RASA1: variants seen among roughly 807,000 people sequenced by gnomAD.
RASA1 encodes the protein ras GTPase-activating protein 1.
In RASA1, 25 loss-of-function variants were observed where a neutral mutation model predicts 132.2. That is an observed-to-expected ratio of 0.19 (90% CI 0.14 to 0.26). The LOEUF (loss-of-function observed/expected upper bound fraction) is 0.26. RASA1 is among the 10% of genes least tolerant of loss of function. The pLI, the probability that RASA1 is intolerant of heterozygous loss-of-function variation, is 1.00. For missense variants in RASA1, 964 were observed against 1,299.2 expected (o/e 0.74, Z 3.97); for synonymous variants, 477 against 449.9 (o/e 1.06, Z -0.76).
intron 1 of RASA1, among the ~76,000 whole-genome samples, chr5:87,312,033 A>G (rs910200451): frequency 3.3e-5 from 5 of 152,232 alleles, no homozygotes; most frequent in African/African-American, 1.2e-4. Flanking sequence ...GATAATGTAA[A>G]TGAAATGTGT....
At chr5:87,326,492 T>C (rs1033134262) in intron 1 of RASA1, among the ~76,000 whole-genome samples, 1 of 152,182 alleles carries the variant, frequency 6.6e-6, no homozygotes, top group African/African-American at 2.4e-5. Flanking sequence ...TGGGAAGACA[T>C]GTATGTACTT....
At position 87,353,221 on chromosome 5, in the gene RASA1, C is replaced by G; in HGVS notation, c.1318C>G (p.Pro440Ala). The G allele has an allele frequency of 6.2e-7, 1 of 1,607,004 alleles. No individual in the cohort carries two copies. Among genetic ancestry groups the G allele is most frequent in the Non-Finnish European group, 8.5e-7 (1 of 1,174,182 alleles). ...TGTTGAAGGATATTATCTTAAGGAA[C>G]CTGTACCAATGCAGGTCAGTGTTGC... is the stretch of plus-strand genomic sequence containing the variant. The part of the protein sequence containing the change: ...QIVEGYYLKE[P>A]VPMQDQEQVL... The change falls in exon 9 of 25, where the codon CCT becomes GCT. Residue 440 changes from proline (P) to alanine (A), a missense_variant. Physicochemically the swap from Pro to Ala is conservative, Grantham distance 27 (BLOSUM62 -1). Coordinates refer to ENST00000274376, the MANE Select transcript of RASA1 (RefSeq NM_002890.3).
chr5:87,277,071 G>A lies in RASA1; in HGVS notation c.539+8081G>A, dbSNP rs367685153. ...AGTATTTGCTAATCATTTGCTAGAT[G>A]TCAGGTACTTTATATAGATTATCTT... On this transcript the variant is annotated intron_variant, in intron 1 of 24. Coordinates refer to ENST00000274376, the MANE Select transcript of RASA1 (RefSeq NM_002890.3). Among the ~76,000 whole-genome samples, 64 of 152,216 alleles carry A rather than the reference G, an allele frequency of 4.2e-4. 4 individuals are homozygous for A. In the South Asian group the frequency reaches 0.013, roughly 30 times the overall value.
At chr5:87,298,556 G>C (rs1755221608) in intron 1 of RASA1, among the ~76,000 whole-genome samples, 1 of 152,154 alleles carries the variant, frequency 6.6e-6, no homozygotes, top group Non-Finnish European at 1.5e-5. Flanking sequence ...TCCTTTCAGA[G>C]AATGAGTAGT....
In RASA1 at chr5:87,269,140, G is replaced by T. The variant is rs143694393; in HGVS notation, c.539+150G>T. On this transcript the variant is annotated intron_variant, in intron 1 of 24. Transcript: ENST00000274376. Reference sequence around the variant, plus strand: ...GGTTTCTTGGGTAGGAATTTAATCTGATCACTTATCTTCCTTACAGGCATA... The same window carrying T: ...GGTTTCTTGGGTAGGAATTTAATCTTATCACTTATCTTCCTTACAGGCATA... The T allele has an allele frequency of 8.7e-6, 14 of 1,613,232 alleles. No homozygotes were observed. The East Asian group carries it at 2.5e-4, about 28-fold the overall frequency.
At position 87,326,450 on chromosome 5, in the gene RASA1, A is replaced by G. The variant is rs115439150; in HGVS notation, c.540-4898A>G. 7.4e-3 allele frequency among the ~76,000 whole-genome samples: 1,129 copies of G among 152,314 alleles called. 14 individuals are homozygous for G. Among genetic ancestry groups the G allele is most frequent in the Middle Eastern group, 0.031 (9 of 294 alleles). On this transcript the variant is annotated intron_variant, in intron 1 of 24. Coordinates refer to ENST00000274376, the MANE Select transcript of RASA1 (RefSeq NM_002890.3). ...ATTAAGGGACTCCATATCTACCTGT[A>G]AGATTTCTCAACAAAAATTTACAAA...
rs781719475 is a variant in RASA1, at chr5:87,390,875, G to A, written c.3136G>A (p.Val1046Ile). The A allele has an allele frequency of 1.9e-6, 3 of 1,610,814 alleles. No homozygotes were observed. Among genetic ancestry groups the A allele is most frequent in the South Asian group, 1.1e-5 (1 of 91,022 alleles). ...AAACCAGTATACAAAAACCAATGAT[G>A]TCAGGTAGCAGCCTTCGCCCCAGTG... is the stretch of plus-strand genomic sequence containing the variant. ...KQNQYTKTND[V>I]R The change falls in exon 25 of 25, where the codon GTC becomes ATC. Residue 1046 changes from valine to isoleucine, a missense_variant. By Grantham distance (29) the Val-to-Ile change is conservative (BLOSUM62 3). Coordinates refer to ENST00000274376, the MANE Select transcript of RASA1 (RefSeq NM_002890.3).
chr5:87,327,912 C>T (rs1046198489), intron 1 of RASA1, among the ~76,000 whole-genome samples: 3 of 151,466 alleles, frequency 2.0e-5, no homozygotes, highest in Non-Finnish European at 4.4e-5. Flanking sequence ...TTGCAGTGAG[C>T]CATAAGAGCA....
At chr5:87,334,191 C>G (rs1315167464) in intron 4 of RASA1, among the ~76,000 whole-genome samples, 2 of 152,118 alleles carry the variant, frequency 1.3e-5, no homozygotes, top group Non-Finnish European at 2.9e-5. Flanking sequence ...CCAAGAAAGC[C>G]AGTGGTATAA....
intron 1 of RASA1, chr5:87,269,350 T>G (rs1167475616): frequency 6.6e-7 from 1 of 1,506,128 alleles, no homozygotes; most frequent in African/African-American, 1.4e-5. Context: ...TATTAACTTG[T>G]GTGTGTTACT....
rs1452824349 is a variant in RASA1 at position 87,267,932 on chromosome 5, C to G, written c.-520C>G. On this transcript the variant is annotated 5_prime_UTR_variant, in exon 1 of 25. Transcript: ENST00000274376. ...AGCAGTTCAGTCGATTTCCTCGTTA[C>G]CCCGCCCCCCTTTCTCTTGCCCCCC... is the stretch of plus-strand genomic sequence containing the variant. 5.1e-6 allele frequency: 2 copies of G among 389,924 alleles called. No homozygotes were observed. The highest frequency in any genetic ancestry group is 9.0e-6 in the Non-Finnish European group (2 of 222,508). 24.2% of individuals were successfully genotyped at this position (389,924 alleles called of 1,614,324 possible).
intron 4 of RASA1, among the ~76,000 whole-genome samples, chr5:87,335,204 C>G (rs1757875803): frequency 6.6e-6 from 1 of 151,890 alleles, no homozygotes; most frequent in Non-Finnish European, 1.5e-5. Context: ...TTGTGCACAC[C>G]ATTTTCACTT....
Position 87,379,817 on chromosome 5 carries a change from A to G in RASA1, c.2570A>G (p.Glu857Gly), listed in dbSNP as rs778528173. The G allele has an allele frequency of 2.5e-6, 4 of 1,612,846 alleles. No individual in the cohort carries two copies. Among genetic ancestry groups the G allele is most frequent in the Non-Finnish European group, 3.4e-6 (4 of 1,179,134 alleles). ...TTGAACATACTTTCAGAGCTTGTGG[A>G]GAAAATATTCATGGCTTCAGAAATA... ...HLLNILSELV[E>G]KIFMASEILP... Residue 857 changes from glutamate (E) to glycine (G), a missense_variant, in exon 19 of 25, where the codon GAG (glutamate) becomes GGG (glycine). Transcript: ENST00000274376.
chr5:87,313,893 C>A (rs1421059952), intron 1 of RASA1, among the ~76,000 whole-genome samples: 1 of 152,116 alleles, frequency 6.6e-6, no homozygotes, highest in East Asian at 1.9e-4. Flanking sequence ...TTGGGCCGGG[C>A]GTGGTGGCTC....
At chr5:87,278,390 CA>C (rs55633664) in intron 1 of RASA1, among the ~76,000 whole-genome samples, 19,352 of 126,252 alleles carry the variant, frequency 0.15, 1,505 homozygotes, top group South Asian at 0.28. Flanking sequence ...ACTAAAAATA[CA>C]AAAAAAAAAA....
intron 21 of RASA1, among the ~76,000 whole-genome samples, chr5:87,384,601 A>G: frequency 6.6e-6 from 1 of 152,130 alleles, no homozygotes; most frequent in East Asian, 1.9e-4. Flanking sequence ...GGAGAGATTT[A>G]TCTGGATGTT....
At chr5:87,375,935 T>A (rs1221153246) in intron 15 of RASA1, among the ~76,000 whole-genome samples, 1 of 152,186 alleles carries the variant, frequency 6.6e-6, no homozygotes, top group Non-Finnish European at 1.5e-5. Context: ...GGCCATACCT[T>A]ATATTTGAAG....
At chr5:87,332,770 G>T in intron 3 of RASA1, 128 bp downstream of exon 3, 1 of 971,704 alleles carries the variant, frequency 1.0e-6, no homozygotes, top group Non-Finnish European at 1.5e-6. Context: ...TTTTAATTCG[G>T]GTTATAATGT....
At chr5:87,324,364 C>T (rs1051521412) in intron 1 of RASA1, among the ~76,000 whole-genome samples, 3 of 151,926 alleles carry the variant, frequency 2.0e-5, no homozygotes, top group African/African-American at 7.3e-5. Flanking sequence ...TTCTTCCCTT[C>T]GTTATCTGTT....
Sources: gnomAD v4.1 joint callset for allele counts (sites outside exome capture counted in the v4.1 genomes callset) on GRCh38, gnomAD v4.1.1 for gene constraint, MANE v1.5 for transcripts, NCBI Gene and HGNC (gene_info 2026-07-23, HGNC 2026-07-21) for gene names.